The following SLC35A3 variants were observed in gnomAD, a reference collection of about 807,000 sequenced individuals.
The protein encoded by SLC35A3 is UDP-N-acetylglucosamine transporter.
Under a neutral mutation model 39.0 loss-of-function variants are expected in SLC35A3, and 26 were observed. That is an observed-to-expected ratio of 0.67 (90% CI 0.49 to 0.92). The LOEUF (loss-of-function observed/expected upper bound fraction) is 0.92. Among genes scored for constraint, SLC35A3 ranks in the 40% least tolerant of loss-of-function variants. The pLI is 0.00. For synonymous variants in SLC35A3, 135 were observed against 133.1 expected, an observed-to-expected ratio of 1.01 and a Z score of -0.10; for missense variants, 299 against 371.6, an observed-to-expected ratio of 0.80 and a Z score of 1.61.
chr1:99,979,058 T>C (rs1657290747), intron 1 of SLC35A3: 1 of 152,200 alleles, frequency 6.6e-6, no homozygotes, highest in African/African-American at 2.4e-5. Flanking sequence ...AAAAAATAGA[T>C]GTAGAATTGG....
chr1:100,025,512 C>T lies in SLC35A3; in HGVS notation c.*3036C>T, dbSNP rs1309935875. ...AAAGTAGTCAAATATATTTTCAAAG[C>T]ACAATTTTATTAGACAGGCATAATT... On this transcript the variant is annotated 3_prime_UTR_variant, in exon 8 of 8. Coordinates refer to ENST00000533028, the MANE Select transcript of SLC35A3 (RefSeq NM_012243.3). 4 of 152,096 alleles carry T rather than the reference C, an allele frequency of 2.6e-5. No individual in the cohort carries two copies. The highest frequency in any genetic ancestry group is 4.4e-5 in the Non-Finnish European group (3 of 68,014). The allele number at this position is 152,096 out of a possible 1,614,324, so 9.4% of individuals were successfully genotyped here. A position where few individuals can be genotyped will look rare whatever the true frequency, so the allele number is the denominator to read the frequency against.
rs149850722 is a variant in SLC35A3, at chr1:100,019,280, C to T, written c.887+1465C>T. Among the ~76,000 whole-genome samples the T allele has an allele frequency of 5.2e-3, 783 of 151,460 alleles. 12 individuals carry two copies. The highest frequency in any genetic ancestry group is 0.018 in the African/African-American group (753 of 41,214). ...GAGGGACAAAAGAGTAGTAGTTTGG[C>T]AATGAGATGTATGCCTGCCTGTAAA... On this transcript the variant is annotated intron_variant, in intron 7 of 7. Transcript: ENST00000533028.
rs1026205094 is a variant in SLC35A3, at chr1:100,031,307, C to A, written c.*8831C>A. The A allele has an allele frequency of 1.3e-5, 2 of 152,114 alleles. No individual in the cohort carries two copies. Among genetic ancestry groups the A allele is most frequent in the African/African-American group, 4.8e-5 (2 of 41,410 alleles). 9.4% of individuals were successfully genotyped at this position (152,114 alleles called of 1,614,324 possible). ...AATTGGTATACCACCTAAATCCAACCATTATTAACATTTTGCCACACTAGC... is the reference window on the plus strand; with the variant it reads ...AATTGGTATACCACCTAAATCCAACAATTATTAACATTTTGCCACACTAGC... On this transcript the variant is annotated 3_prime_UTR_variant, in exon 8 of 8. Coordinates refer to ENST00000533028, the MANE Select transcript of SLC35A3 (RefSeq NM_012243.3).
At chr1:99,970,749 G>T in intron 1 of SLC35A3, 1 of 737,234 alleles carries the variant, frequency 1.4e-6, no homozygotes, top group Non-Finnish European at 2.2e-6. Context: ...CTTTTATTAT[G>T]TTCTCTTAAA....
rs963615880 is a variant in SLC35A3, at chr1:100,032,898, T to C, written c.*10422T>C. ...TTAGTCTTTTAGTCCTTATTTGCTT[T>C]AGGCACAAGAAATCTGAGGCTTACC... On this transcript the variant is annotated 3_prime_UTR_variant, in exon 8 of 8. Transcript: ENST00000533028. 2.6e-5 allele frequency: 4 copies of C among 152,222 alleles called. No individual in the cohort carries two copies. The highest frequency in any genetic ancestry group is 9.6e-5 in the African/African-American group (4 of 41,474). 9.4% of individuals were successfully genotyped at this position (152,222 alleles called of 1,614,324 possible).
intron 1 of SLC35A3, among the ~76,000 whole-genome samples, chr1:99,979,434 T>C (rs546972607): frequency 1.2e-3 from 174 of 149,682 alleles, no homozygotes; most frequent in South Asian, 2.9e-3. Context: ...TTCTTTCTTT[T>C]TTTTTTTTTT....
rs1361118979 is a variant in SLC35A3 at position 100,023,867 on chromosome 1, T to TGTG, written c.*1396_*1398dup. On this transcript the variant is annotated 3_prime_UTR_variant, in exon 8 of 8. Coordinates refer to ENST00000533028, the MANE Select transcript of SLC35A3 (RefSeq NM_012243.3). ...ACCAAAAATACAAAAATTAGCTGGGTGTGGTGGCACGCACCTGTAGTCCCA... is the reference window on the plus strand; with the variant it reads ...ACCAAAAATACAAAAATTAGCTGGGTGTGGTGGTGGCACGCACCTGTAGTCCCA... 1 of 152,322 alleles carries TGTG rather than the reference T, an allele frequency of 6.6e-6. No homozygotes were observed. Among genetic ancestry groups the TGTG allele is most frequent in the African/African-American group, 2.4e-5 (1 of 41,352 alleles). 9.4% of individuals were successfully genotyped at this position (152,322 alleles called of 1,614,324 possible). A position where few individuals can be genotyped will look rare whatever the true frequency, so the allele number is the denominator to read the frequency against.
intron 1 of SLC35A3, among the ~76,000 whole-genome samples, chr1:99,986,339 A>C (rs1005237053): frequency 6.6e-6 from 1 of 151,562 alleles, no homozygotes; most frequent in Non-Finnish European, 1.5e-5. Context: ...TAATTTTTGT[A>C]TTTTTTAGGA....
intron 2 of SLC35A3, 87 bp from the exon 3 acceptor site, chr1:99,999,174 A>G (rs188052437): frequency 2.2e-5 from 17 of 780,522 alleles, no homozygotes; most frequent in South Asian, 1.9e-4. Context: ...TTGTTTTTCT[A>G]TAGGTTAGAA....
chr1:99,978,960 A>G (rs573614130), intron 1 of SLC35A3: 1 of 152,340 alleles, frequency 6.6e-6, no homozygotes, highest in African/African-American at 2.4e-5. Flanking sequence ...GGCAGCACAT[A>G]TACTAAAGTT....
chr1:99,972,090 G>A (rs529564524), intron 1 of SLC35A3, among the ~76,000 whole-genome samples: 2 of 151,932 alleles, frequency 1.3e-5, no homozygotes, highest in South Asian at 2.1e-4. Flanking sequence ...TAGTTGAGAC[G>A]GGGTTTCACC....
intron 3 of SLC35A3, among the ~76,000 whole-genome samples, chr1:100,001,634 T>G (rs1400076954): frequency 1.3e-5 from 2 of 152,142 alleles, no homozygotes; most frequent in African/African-American, 4.8e-5. Flanking sequence ...TAAGATCATG[T>G]CATTTGCAAA....
intron 1 of SLC35A3, among the ~76,000 whole-genome samples, chr1:99,973,097 A>C (rs1370275452): frequency 1.3e-5 from 2 of 152,236 alleles, no homozygotes; most frequent in Non-Finnish European, 2.9e-5. Flanking sequence ...TGAAAGCCTA[A>C]ACTTGTTCAG....
chr1:99,977,828 C>T (rs763494693), intron 1 of SLC35A3, among the ~76,000 whole-genome samples: 5 of 152,144 alleles, frequency 3.3e-5, no homozygotes, highest in South Asian at 2.1e-4. Context: ...TGTGAGACAC[C>T]GTGCCTGGCC....
At chr1:99,985,542 T>A (rs973007030) in intron 1 of SLC35A3, among the ~76,000 whole-genome samples, 1 of 152,244 alleles carries the variant, frequency 6.6e-6, no homozygotes, top group Non-Finnish European at 1.5e-5. Context: ...TTGCTTTGGC[T>A]ATGCAGGCTC....
intron 1 of SLC35A3, among the ~76,000 whole-genome samples, chr1:99,989,034 C>T (rs765536193): frequency 4.6e-5 from 7 of 151,800 alleles, no homozygotes; most frequent in African/African-American, 7.3e-5. Flanking sequence ...GTGCTGTTTT[C>T]TTTTAATAAG....
chr1:99,998,982 T>C (rs1658580473), intron 2 of SLC35A3, among the ~76,000 whole-genome samples: 1 of 152,218 alleles, frequency 6.6e-6, no homozygotes. Context: ...TTGGCTGTCA[T>C]AAATATGTGT....
intron 3 of SLC35A3, among the ~76,000 whole-genome samples, chr1:100,003,968 A>G (rs1422049943): frequency 1.3e-5 from 2 of 152,162 alleles, no homozygotes; most frequent in Non-Finnish European, 2.9e-5. Flanking sequence ...TTTGCATGGA[A>G]TATCTCTCTA....
In SLC35A3 at chr1:100,029,426, A is replaced by C. The variant is rs577861336; in HGVS notation, c.*6950A>C. 1.6e-5 allele frequency: 2 copies of C among 125,580 alleles called. No homozygotes were observed. The highest frequency in any genetic ancestry group is 3.2e-5 in the African/African-American group (1 of 30,934). 7.8% of individuals were successfully genotyped at this position (125,580 alleles called of 1,614,324 possible). A position where few individuals can be genotyped will look rare whatever the true frequency, so the allele number is the denominator to read the frequency against. The stretch of plus-strand genomic sequence containing the variant: ...CAATTCTTCTTTTCAGAGACTTTTA[A>C]TTTTTTTTTTTTTTTTTTTTTTGAG... On this transcript the variant is annotated 3_prime_UTR_variant, in exon 8 of 8. Coordinates refer to ENST00000533028, the MANE Select transcript of SLC35A3 (RefSeq NM_012243.3).
Sources: allele counts gnomAD v4.1 joint callset (sites outside exome capture counted in the v4.1 genomes callset), GRCh38; gene constraint gnomAD v4.1.1; transcripts MANE v1.5; gene names NCBI Gene and HGNC (gene_info 2026-07-23, HGNC 2026-07-21).